WDR76: variants seen among roughly 807,000 people sequenced by gnomAD.
The protein encoded by WDR76 is WD repeat-containing protein 76.
A neutral mutation model predicts 70.2 loss-of-function variants in WDR76; 52 were observed. That is an observed-to-expected ratio of 0.74 (90% CI 0.59 to 0.93). The LOEUF is 0.93. WDR76 is among the 40% of genes least tolerant of loss of function. WDR76 has a pLI of 0.00. For missense variants in WDR76, 756 were observed against 760.2 expected, an observed-to-expected ratio of 0.99 and a Z score of 0.07; for synonymous variants, 292 against 271.1, an observed-to-expected ratio of 1.08 and a Z score of -0.76.
At chr15:43,850,546 T>C (rs1046345734) in intron 8 of WDR76, among the ~76,000 whole-genome samples, 19 of 151,918 alleles carry the variant, frequency 1.3e-4, no homozygotes, top group East Asian at 1.9e-4. Context: ...CCGCCCGCCT[T>C]GGCCTCCCAA....
At chr15:43,861,525 G>A in intron 12 of WDR76, 139 bp downstream of exon 12, 1 of 841,934 alleles carries the variant, frequency 1.2e-6, no homozygotes, top group Non-Finnish European at 1.9e-6. Flanking sequence ...GTCCCAGTTT[G>A]CTAGTTCCTA....
intron 2 of WDR76, among the ~76,000 whole-genome samples, chr15:43,830,877 TC>T (rs2087578937): frequency 6.6e-6 from 1 of 152,002 alleles, no homozygotes. Context: ...TGAAAGCCTG[TC>T]TCTCCTAAAT....
At chr15:43,832,912 C>T (rs1345023243) in intron 2 of WDR76, among the ~76,000 whole-genome samples, 1 of 151,630 alleles carries the variant, frequency 6.6e-6, no homozygotes. Context: ...ACTACCACAC[C>T]CAGCTAGTTT....
intron 9 of WDR76, among the ~76,000 whole-genome samples, chr15:43,852,749 G>A (rs553208579): frequency 6.6e-6 from 1 of 152,154 alleles, no homozygotes; most frequent in East Asian, 1.9e-4. Context: ...TTAACAAAAT[G>A]TATTCAAAGT....
chr15:43,832,911 C>T (rs1322920631), intron 2 of WDR76, among the ~76,000 whole-genome samples: 1 of 151,758 alleles, frequency 6.6e-6, no homozygotes, highest in Non-Finnish European at 1.5e-5. Context: ...CACTACCACA[C>T]CCAGCTAGTT....
rs781609640 is a variant in WDR76, at chr15:43,844,043, C to A, written c.1021C>A (p.Leu341Ile). 1 of 1,611,056 alleles carries A rather than the reference C, an allele frequency of 6.2e-7. No homozygotes were observed. Among genetic ancestry groups the A allele is most frequent in the South Asian group, 1.1e-5 (1 of 90,244 alleles). The change falls in exon 8 of 13, where the codon CTT becomes ATT. Residue 341 changes from leucine to isoleucine, a missense_variant. Transcript: ENST00000263795. The stretch of plus-strand genomic sequence containing the variant: ...TGGGGCCAAATTTGGGCAAGTTGGA[C>A]TTTGTGATTTGGTAAGTTATTAAAT... Reference protein sequence around the residue: ...AVGAKFGQVGLCDLTQQPKED... With the variant: ...AVGAKFGQVGICDLTQQPKED...
chr15:43,855,944 C>A (rs11854565), intron 9 of WDR76, among the ~76,000 whole-genome samples: 1 of 152,040 alleles, frequency 6.6e-6, no homozygotes, highest in Non-Finnish European at 1.5e-5. Context: ...CACAAGTAAC[C>A]GTTGTTGCAT....
rs118022382 is a variant in WDR76, at chr15:43,866,554, G to A, written c.*162G>A. The A allele has an allele frequency of 3.4e-4, 286 of 844,062 alleles. 2 individuals are homozygous for A. The East Asian group carries it at 7.2e-3, about 21-fold the overall frequency. The allele number at this position is 844,062 out of a possible 1,614,324, so 52.3% of individuals were successfully genotyped here. ...AGAAGAGTGTACTTTTAGTAAGGGAGAAGTCTTGGAGGGTTGCTTCTGCAG... is the reference window on the plus strand; with the variant it reads ...AGAAGAGTGTACTTTTAGTAAGGGAAAAGTCTTGGAGGGTTGCTTCTGCAG... On this transcript the variant is annotated 3_prime_UTR_variant, in exon 13 of 13. Coordinates refer to ENST00000263795, the MANE Select transcript of WDR76 (RefSeq NM_024908.4).
Position 43,851,168 on chromosome 15 carries a change from A to G in WDR76, c.1114A>G (p.Asn372Asp), listed in dbSNP as rs1335141260. The G allele has an allele frequency of 6.2e-7, 1 of 1,614,142 alleles. No homozygotes were observed. Among genetic ancestry groups the G allele is most frequent in the South Asian group, 1.1e-5 (1 of 91,082 alleles). Residue 372 changes from asparagine to aspartate, a missense_variant, in exon 9 of 13, where the codon AAT (asparagine) becomes GAT (aspartate). Coordinates refer to ENST00000263795, the MANE Select transcript of WDR76 (RefSeq NM_024908.4). Reference protein sequence around the residue: ...PVSCLYFSPANPAHILSLSYD... With the variant: ...PVSCLYFSPADPAHILSLSYD... Reference sequence around the variant, plus strand: ...TAGCTGTCTTTACTTCTCACCCGCCAATCCGGCCCACATACTGTCACTGAG... The same window carrying G: ...TAGCTGTCTTTACTTCTCACCCGCCGATCCGGCCCACATACTGTCACTGAG...
intron 12 of WDR76, 145 bp from the exon 13 acceptor site, chr15:43,865,983 A>G (rs2088065457): frequency 1.1e-6 from 1 of 900,308 alleles, no homozygotes. Context: ...AGGATGAGGT[A>G]AGGTTGGTGG....
chr15:43,856,829 A>G, intron 9 of WDR76, 117 bp from the exon 10 acceptor site: 1 of 816,894 alleles, frequency 1.2e-6, no homozygotes, highest in East Asian at 2.7e-5. Flanking sequence ...GGATGATGAG[A>G]GGATAAATGA....
chr15:43,844,033 G>T lies in WDR76; in HGVS notation c.1011G>T (p.Gly337=). 1.2e-6 allele frequency: 2 copies of T among 1,613,030 alleles called. No homozygotes were observed. Among genetic ancestry groups the T allele is most frequent in the Non-Finnish European group, 1.7e-6 (2 of 1,179,650 alleles). ...TGGTAGCAGTTGGGGCCAAATTTGG[G>T]CAAGTTGGACTTTGTGATTTGGTAA... ...RTLVAVGAKF[G]QVGLCDLTQQ... The change falls in exon 8 of 13, where the codon GGG becomes GGT. Residue 337 remains glycine, a synonymous_variant. Transcript: ENST00000263795.
intron 1 of WDR76, among the ~76,000 whole-genome samples, chr15:43,827,630 C>T (rs1163510815): frequency 6.6e-6 from 1 of 151,644 alleles, no homozygotes; most frequent in Non-Finnish European, 1.5e-5. Context: ...CTGCAACCTC[C>T]GTCTCCCGGG....
intron 1 of WDR76, 88 bp downstream of exon 1, chr15:43,827,180 C>T (rs2087528028): frequency 6.4e-6 from 10 of 1,559,866 alleles, no homozygotes; most frequent in Non-Finnish European, 7.9e-6. Flanking sequence ...AGGTCGAGGG[C>T]ACCTGGCACC....
At chr15:43,841,108 C>T (rs2087718780) in intron 5 of WDR76, among the ~76,000 whole-genome samples, 1 of 151,434 alleles carries the variant, frequency 6.6e-6, no homozygotes. Flanking sequence ...GCAACCTCCG[C>T]CTCCCGGGTT....
chr15:43,848,444 G>T (rs566553697), intron 8 of WDR76, among the ~76,000 whole-genome samples: 9 of 152,298 alleles, frequency 5.9e-5, no homozygotes, highest in Admixed American at 3.9e-4. Flanking sequence ...ATCAAAAGTA[G>T]AGAGAAGCAC....
intron 4 of WDR76, among the ~76,000 whole-genome samples, chr15:43,838,031 A>G (rs1315014660): frequency 6.6e-6 from 1 of 151,510 alleles, no homozygotes; most frequent in Non-Finnish European, 1.5e-5. Context: ...GCCCGCCACC[A>G]CGCCCGGCTA....
At chr15:43,851,278 G>T in intron 9 of WDR76, 33 bp downstream of exon 9, 1 of 1,605,598 alleles carries the variant, frequency 6.2e-7, no homozygotes, top group Non-Finnish European at 8.5e-7. Flanking sequence ...GCTGACTTCA[G>T]ATGATATTCT....
intron 4 of WDR76, among the ~76,000 whole-genome samples, 166 bp from the exon 5 acceptor site, chr15:43,839,439 G>A (rs1158863050): frequency 6.6e-6 from 1 of 151,998 alleles, no homozygotes; most frequent in Non-Finnish European, 1.5e-5. Flanking sequence ...ATTTAGGTTT[G>A]TTTTTTCCAT....
Sources: gnomAD v4.1 joint callset for allele counts (sites outside exome capture counted in the v4.1 genomes callset) on GRCh38, gnomAD v4.1.1 for gene constraint, MANE v1.5 for transcripts, NCBI Gene and HGNC (gene_info 2026-07-23, HGNC 2026-07-21) for gene names.